Variants in PLCB4 observed in about 807,000 individuals in gnomAD.
PLCB4 encodes phospholipase C beta 4.
Under a neutral mutation model 178.8 loss-of-function variants are expected in PLCB4, and 77 were observed. The ratio of observed to expected loss-of-function variants is 0.43; its 90% confidence interval spans 0.36 to 0.52. PLCB4 has a LOEUF of 0.52. Ranked by LOEUF, PLCB4 falls within the 20% of genes least tolerant of loss-of-function variation. The probability of loss-of-function intolerance (pLI) is 0.00; values close to 1 mark genes in which losing one functional copy is unlikely to be tolerated. For synonymous variants in PLCB4, 496 were observed against 490.8 expected (o/e 1.01, Z -0.14); for missense variants, 1,024 against 1,453.4 (o/e 0.70, Z 4.80).
At chr20:9,074,634 T>C (rs771773835) in intron 1 of PLCB4, among the ~76,000 whole-genome samples, 4 of 152,116 alleles carry the variant, frequency 2.6e-5, no homozygotes, top group Non-Finnish European at 4.4e-5. Context: ...AAGTACCAGA[T>C]CTTCCTTTGG....
chr20:9,455,608 G>A (rs1336074250), intron 33 of PLCB4, among the ~76,000 whole-genome samples: 1 of 151,984 alleles, frequency 6.6e-6, no homozygotes, highest in East Asian at 1.9e-4. Context: ...ATAAAGCCCT[G>A]TTTTATCCTA....
In PLCB4 at chr20:9,213,288, G is replaced by A. The variant is rs571155623; in HGVS notation, c.-78-4102G>A. 2.7e-4 allele frequency among the ~76,000 whole-genome samples: 41 copies of A among 149,246 alleles called. 4 individuals carry two copies. Among genetic ancestry groups the A allele is most frequent in the African/African-American group, 9.5e-4 (37 of 38,860 alleles). On this transcript the variant is annotated intron_variant, in intron 2 of 39. Coordinates refer to ENST00000378473, the MANE Select transcript of PLCB4 (RefSeq NM_001377142.1). ...GCCTCCCAAGTAGGTGGGATCACAG[G>A]TGTGTGCCACCACACCCAGCTAATT... is the stretch of plus-strand genomic sequence containing the variant.
At chr20:9,161,212 G>C (rs1347172103) in intron 2 of PLCB4, among the ~76,000 whole-genome samples, 1 of 152,278 alleles carries the variant, frequency 6.6e-6, no homozygotes, top group East Asian at 1.9e-4. Context: ...AATGGGGCTA[G>C]GGTTTGAACG....
intron 2 of PLCB4, among the ~76,000 whole-genome samples, chr20:9,141,951 A>G (rs536650999): frequency 1.2e-4 from 19 of 152,216 alleles, no homozygotes; most frequent in Non-Finnish European, 2.1e-4. Flanking sequence ...CCTTTCACAC[A>G]CCAAAGGCAG....
intron 25 of PLCB4, among the ~76,000 whole-genome samples, chr20:9,418,386 A>C (rs755354524): frequency 6.6e-6 from 1 of 152,148 alleles, no homozygotes; most frequent in Non-Finnish European, 1.5e-5. Flanking sequence ...GCATGGAACT[A>C]TCCTATTATC....
At chr20:9,382,175 C>T (rs1271308046) in intron 13 of PLCB4, among the ~76,000 whole-genome samples, 1 of 152,166 alleles carries the variant, frequency 6.6e-6, no homozygotes, top group Non-Finnish European at 1.5e-5. Flanking sequence ...CATTCTTTCA[C>T]ATCATGTCTG....
In PLCB4 at chr20:9,461,586, C is replaced by T. The variant is rs149748247; in HGVS notation, c.3248+1776C>T. Among the ~76,000 whole-genome samples the T allele has an allele frequency of 6.2e-3, 944 of 152,298 alleles. 3 individuals carry two copies. Among genetic ancestry groups the T allele is most frequent in the Non-Finnish European group, 8.2e-3 (559 of 68,034 alleles). ...GTGCTTTTCCCAAGGTCTTAGCAAC[C>T]GGCAGACAAGGCGATTCTCTCCTGT... On this transcript the variant is annotated intron_variant, in intron 35 of 39. Coordinates refer to ENST00000378473, the MANE Select transcript of PLCB4 (RefSeq NM_001377142.1).
rs144862561 is a variant in PLCB4, at chr20:9,392,172, A to T, written c.1324-1416A>T. Among the ~76,000 whole-genome samples, 104 of 152,316 alleles carry T rather than the reference A, an allele frequency of 6.8e-4. 1 individual carries two copies. Among genetic ancestry groups the T allele is most frequent in the African/African-American group, 2.5e-3 (103 of 41,558 alleles). On this transcript the variant is annotated intron_variant, in intron 17 of 39. Coordinates refer to ENST00000378473, the MANE Select transcript of PLCB4 (RefSeq NM_001377142.1). Reference sequence around the variant, plus strand: ...GATGTGCACATACTTTTACCAGCTGAAGGGTGTCCAGGTTCTTGGCATCTT... The same window carrying T: ...GATGTGCACATACTTTTACCAGCTGTAGGGTGTCCAGGTTCTTGGCATCTT...
chr20:9,119,205 G>T (rs1001352979), intron 2 of PLCB4, among the ~76,000 whole-genome samples: 1 of 152,028 alleles, frequency 6.6e-6, no homozygotes, highest in Non-Finnish European at 1.5e-5. Context: ...ATTTCTCTAG[G>T]TTACATTCTT....
At chr20:9,440,933 C>T (rs780612662) in intron 30 of PLCB4, among the ~76,000 whole-genome samples, 6 of 152,084 alleles carry the variant, frequency 3.9e-5, no homozygotes, top group East Asian at 3.8e-4. Context: ...AAAGAGGTTA[C>T]TCTAAGCTAC....
chr20:9,453,508 T>G (rs1395916113), intron 33 of PLCB4, 46 bp downstream of exon 33: 2 of 1,196,774 alleles, frequency 1.7e-6, no homozygotes, highest in East Asian at 4.8e-5. Flanking sequence ...ATGTTTATAT[T>G]TTGTCTTTTC....
At chr20:9,154,744 T>A (rs1437292977) in intron 2 of PLCB4, among the ~76,000 whole-genome samples, 1 of 138,896 alleles carries the variant, frequency 7.2e-6, no homozygotes, top group Non-Finnish European at 1.6e-5. Context: ...CCCTCCCTCC[T>A]TTCCTTTCCC....
rs190861276 is a variant in PLCB4 at position 9,196,158 on chromosome 20, C to A, written c.-78-21232C>A. Among the ~76,000 whole-genome samples, 33 of 152,160 alleles carry A rather than the reference C, an allele frequency of 2.2e-4. 1 individual carries two copies. The highest frequency in any genetic ancestry group is 8.8e-5 in the Non-Finnish European group (6 of 68,038). ...GGCAGAACTCTTTTCTCCTTAGCAA[C>A]AGTCTATGTGTGGGGAGCAGAAGCT... On this transcript the variant is annotated intron_variant, in intron 2 of 39. Transcript: ENST00000378473.
intron 28 of PLCB4, among the ~76,000 whole-genome samples, chr20:9,426,786 T>C (rs1366562413): frequency 6.6e-6 from 1 of 152,258 alleles, no homozygotes; most frequent in East Asian, 1.9e-4. Context: ...ATATTTTTAT[T>C]AGCTGTATAG....
At chr20:9,134,500 A>T (rs2092342394) in intron 2 of PLCB4, among the ~76,000 whole-genome samples, 1 of 152,076 alleles carries the variant, frequency 6.6e-6, no homozygotes, top group African/African-American at 2.4e-5. Context: ...CAGAAGAAAT[A>T]TCATCAAGAA....
intron 2 of PLCB4, among the ~76,000 whole-genome samples, chr20:9,198,050 C>T (rs879503010): frequency 1.2e-3 from 176 of 152,024 alleles, no homozygotes; most frequent in Non-Finnish European, 2.3e-3. Flanking sequence ...AGCTGAGAAC[C>T]ATTGTCATTT....
chr20:9,183,176 A>G (rs961817786), intron 2 of PLCB4, among the ~76,000 whole-genome samples: 1 of 152,130 alleles, frequency 6.6e-6, no homozygotes, highest in Non-Finnish European at 1.5e-5. Flanking sequence ...CTTACAGCCC[A>G]GGGAAGCCTG....
intron 3 of PLCB4, among the ~76,000 whole-genome samples, chr20:9,237,396 A>G (rs2094005219): frequency 6.6e-6 from 1 of 152,202 alleles, no homozygotes; most frequent in Non-Finnish European, 1.5e-5. Flanking sequence ...AGATTAGATT[A>G]AAGCAGCAAT....
rs56964078 is a variant in PLCB4, at chr20:9,184,599, CAAAAAA to C, written c.-78-32774_-78-32769del. ...AGGGTGGTGACCCAGCATTGTGCCTCAAAAAAAAAAAAAAAAAAAAAACCTCTGGTT... is the reference window on the plus strand; with the variant it reads ...AGGGTGGTGACCCAGCATTGTGCCTCAAAAAAAAAAAAAAAACCTCTGGTT... On this transcript the variant is annotated intron_variant, in intron 2 of 39. Transcript: ENST00000378473. Among the ~76,000 whole-genome samples, 84 of 118,454 alleles carry C rather than the reference CAAAAAA, an allele frequency of 7.1e-4. 1 individual carries two copies. The highest frequency in any genetic ancestry group is 2.0e-3 in the African/African-American group (72 of 35,182). 77.7% of individuals were successfully genotyped at this position (118,454 alleles called of 152,430 possible).
Sources: allele counts gnomAD v4.1 joint callset (sites outside exome capture counted in the v4.1 genomes callset), GRCh38; gene constraint gnomAD v4.1.1; transcripts MANE v1.5; gene names NCBI Gene and HGNC (gene_info 2026-07-23, HGNC 2026-07-21).